ZMYM2: variants seen among roughly 807,000 people sequenced by gnomAD.
The protein encoded by ZMYM2 is zinc finger MYM-type protein 2.
A neutral mutation model predicts 162.8 loss-of-function variants in ZMYM2; 56 were observed. The ratio of observed to expected loss-of-function variants is 0.34; its 90% CI spans 0.28 to 0.43. The LOEUF (loss-of-function observed/expected upper bound fraction) is 0.43, where lower values mean the gene tolerates loss of function less well. Among genes scored for constraint, ZMYM2 ranks in the 20% least tolerant of loss-of-function variants. ZMYM2 has a pLI of 1.00. For missense variants in ZMYM2, 1,275 were observed against 1,621.8 expected, an observed-to-expected ratio of 0.79 and a Z score of 3.67; for synonymous variants, 510 against 541.6, an observed-to-expected ratio of 0.94 and a Z score of 0.81.
At chr13:20,061,366 T>TA in intron 17 of ZMYM2, 142 bp downstream of exon 17, 3 of 622,544 alleles carry the variant, frequency 4.8e-6, no homozygotes, top group South Asian at 7.3e-5. Flanking sequence ...ATGTTTTTTA[T>TA]ATTAAGAGAT....
chr13:19,864,806 C>G, the ZMYM2 span: 1 of 152,264 alleles, frequency 6.6e-6, no homozygotes, highest in Non-Finnish European at 1.5e-5. Flanking sequence ...CCGGTGAGGG[C>G]GGGCCCCACA....
intron 19 of ZMYM2, among the ~76,000 whole-genome samples, chr13:20,066,207 T>C (rs1956662523): frequency 6.6e-6 from 1 of 152,268 alleles, no homozygotes; most frequent in Non-Finnish European, 1.5e-5. Flanking sequence ...TATATTTTTA[T>C]GACAGATTAA....
the ZMYM2 span, among the ~76,000 whole-genome samples, chr13:19,912,228 T>C: frequency 6.7e-6 from 1 of 149,694 alleles, no homozygotes; most frequent in African/African-American, 2.4e-5. Context: ...CTCACTGTGC[T>C]ACATCAGAGA....
Position 19,992,460 on chromosome 13 carries a change from G to C in ZMYM2, c.-10-603G>C, listed in dbSNP as rs370904495. On this transcript the variant is annotated intron_variant, in intron 2 of 24. Transcript: ENST00000610343. The stretch of plus-strand genomic sequence containing the variant: ...CGATGGCCTGTAGTCCCAGCTACTT[G>C]GAGGTGGGAGGATCGCCTTAACCTG... Among the ~76,000 whole-genome samples, 7 of 152,192 alleles carry C rather than the reference G, an allele frequency of 4.6e-5. 1 individual carries two copies. The highest frequency in any genetic ancestry group is 1.3e-4 in the Admixed American group (2 of 15,286).
At chr13:19,947,407 G>A in the ZMYM2 span, among the ~76,000 whole-genome samples, 1 of 151,170 alleles carries the variant, frequency 6.6e-6, no homozygotes, top group Non-Finnish European at 1.5e-5. Flanking sequence ...CTTGATGTAG[G>A]CACGTATTAC....
chr13:19,938,053 G>C, the ZMYM2 span, among the ~76,000 whole-genome samples: 1 of 152,040 alleles, frequency 6.6e-6, no homozygotes, highest in Non-Finnish European at 1.5e-5. Flanking sequence ...GTCTATCGTT[G>C]TTGGACATTT....
chr13:19,947,624 AATTTTTGTATTTTTAGTAG>A, the ZMYM2 span, among the ~76,000 whole-genome samples: 1 of 151,568 alleles, frequency 6.6e-6, no homozygotes, highest in African/African-American at 2.4e-5. Context: ...ACGCCCAGCT[AATTTTTGTATTTTTAGTAG>A]AGACGGGGTT....
intron 7 of ZMYM2, among the ~76,000 whole-genome samples, chr13:20,024,211 G>T (rs566293587): frequency 3.5e-4 from 54 of 152,210 alleles, no homozygotes; most frequent in African/African-American, 1.2e-3. Flanking sequence ...GGGATTACAG[G>T]TGTGAGCCAC....
At chr13:20,032,250 T>C (rs961817499) in intron 10 of ZMYM2, among the ~76,000 whole-genome samples, 2 of 152,178 alleles carry the variant, frequency 1.3e-5, no homozygotes, top group African/African-American at 4.8e-5. Flanking sequence ...TTCATTAGTT[T>C]ACTGATTTGC....
At chr13:20,048,906 C>CT (rs1237313699) in intron 12 of ZMYM2, among the ~76,000 whole-genome samples, 1 of 151,432 alleles carries the variant, frequency 6.6e-6, no homozygotes, top group Non-Finnish European at 1.5e-5. Flanking sequence ...AAACCAGAGA[C>CT]TTGTGTCCCA....
chr13:20,057,604 A>G (rs192708906), intron 14 of ZMYM2, among the ~76,000 whole-genome samples: 2 of 152,344 alleles, frequency 1.3e-5, no homozygotes, highest in East Asian at 1.9e-4. Context: ...AGTGCTGTAC[A>G]GTATGCGTGT....
In ZMYM2 at chr13:20,004,972, G is replaced by A. The variant is rs1333648128; in HGVS notation, c.1134-102G>A. ...TTTATTAGATCCAAGAATGATGTTTGATTTGCAGGACTTAGTCTATAGAAA... is the reference window on the plus strand; with the variant it reads ...TTTATTAGATCCAAGAATGATGTTTAATTTGCAGGACTTAGTCTATAGAAA... On this transcript the variant is annotated intron_variant, in intron 4 of 24. Transcript: ENST00000610343. The A allele has an allele frequency of 5.0e-6, 4 of 804,828 alleles. No homozygotes were observed. In the Admixed American group the frequency reaches 1.3e-4, roughly 27 times the overall value. The allele number at this position is 804,828 out of a possible 1,614,324, so 49.9% of individuals were successfully genotyped here.
intron 3 of ZMYM2, among the ~76,000 whole-genome samples, chr13:19,996,280 A>T (rs1426875451): frequency 6.6e-6 from 1 of 152,148 alleles, no homozygotes; most frequent in Non-Finnish European, 1.5e-5. Flanking sequence ...GAAAATCTAT[A>T]ATTTAAAACA....
the ZMYM2 span, among the ~76,000 whole-genome samples, chr13:19,884,166 T>G: frequency 0.91 from 138,422 of 152,144 alleles, 64,374 homozygotes; most frequent in Non-Finnish European, 1. Flanking sequence ...TTATGAGTTT[T>G]ACAACAGCCA....
chr13:20,036,570 A>G (rs970666817), intron 11 of ZMYM2, among the ~76,000 whole-genome samples, 167 bp from the exon 12 acceptor site: 3 of 152,334 alleles, frequency 2.0e-5, no homozygotes, highest in African/African-American at 7.2e-5. Flanking sequence ...TTATCTAATA[A>G]AATATCCCAT....
chr13:19,863,934 C>G, the ZMYM2 span: 1 of 152,210 alleles, frequency 6.6e-6, no homozygotes, highest in African/African-American at 2.4e-5. Context: ...GGGTCAGGAG[C>G]CCGAGATTCG....
intron 2 of ZMYM2, among the ~76,000 whole-genome samples, chr13:19,991,230 C>T (rs1303864318): frequency 6.6e-6 from 1 of 152,064 alleles, no homozygotes; most frequent in African/African-American, 2.4e-5. Flanking sequence ...CTTCCTGCCT[C>T]AGCCTCCTAA....
intron 6 of ZMYM2, among the ~76,000 whole-genome samples, chr13:20,013,510 C>T (rs1951366908): frequency 6.6e-6 from 1 of 152,160 alleles, no homozygotes. Context: ...GTCCTTGTTG[C>T]TGATCTTAGA....
At chr13:19,958,311 C>G (rs1954701601), upstream of ZMYM2, among the ~76,000 whole-genome samples, 1 of 152,156 alleles carries the variant, frequency 6.6e-6, no homozygotes, top group Non-Finnish European at 1.5e-5. Context: ...GCTGCCGCGG[C>G]CTGGGCGCCC....
Sources: allele counts gnomAD v4.1 joint callset (sites outside exome capture counted in the v4.1 genomes callset), GRCh38; gene constraint gnomAD v4.1.1; transcripts MANE v1.5; gene names NCBI Gene and HGNC (gene_info 2026-07-23, HGNC 2026-07-21).